The following CSMD2 variants were observed in gnomAD, a reference collection of about 807,000 sequenced individuals.
CSMD2 encodes CUB and Sushi multiple domains 2.
A neutral mutation model predicts 398.5 loss-of-function variants in CSMD2; 130 were observed. The ratio of observed to expected loss-of-function variants is 0.33; its 90% CI spans 0.28 to 0.38. CSMD2 has a LOEUF of 0.38. CSMD2 is among the 10% of genes least tolerant of loss of function. The pLI, the probability that CSMD2 is intolerant of heterozygous loss-of-function variation, is 1.00. For missense variants in CSMD2, 3,829 were observed against 4,764.9 expected (o/e 0.80, Z 5.78); for synonymous variants, 1,828 against 1,908.5 (o/e 0.96, Z 1.10).
At chr1:33,556,073 A>G (rs1279946908) in intron 55 of CSMD2, among the ~76,000 whole-genome samples, 12 of 152,234 alleles carry the variant, frequency 7.9e-5, no homozygotes, top group Admixed American at 7.8e-4. Context: ...CAAGAGAACC[A>G]GAATTAGAAG....
At chr1:33,688,966 T>A (rs1169607023) in intron 25 of CSMD2, among the ~76,000 whole-genome samples, 14 of 152,010 alleles carry the variant, frequency 9.2e-5, no homozygotes. Flanking sequence ...CTAACTTTGC[T>A]GCTGGTTATT....
chr1:33,614,458 G>GGTCT, intron 40 of CSMD2, 46 bp downstream of exon 40: 1 of 1,127,604 alleles, frequency 8.9e-7, no homozygotes. Context: ...TAAGCTCAAG[G>GGTCT]GTCTGGGCTT....
chr1:33,762,399 A>T (rs1649937120), intron 13 of CSMD2, among the ~76,000 whole-genome samples: 1 of 152,220 alleles, frequency 6.6e-6, no homozygotes, highest in South Asian at 2.1e-4. Flanking sequence ...TGAAAGCTGA[A>T]ATGAGAATGA....
At chr1:33,903,669 T>G (rs997203772) in intron 5 of CSMD2, among the ~76,000 whole-genome samples, 1 of 152,094 alleles carries the variant, frequency 6.6e-6, no homozygotes, top group African/African-American at 2.4e-5. Context: ...ACGGTTCTGC[T>G]GGCAATGGCA....
chr1:33,666,371 T>C (rs1644316795), intron 25 of CSMD2, among the ~76,000 whole-genome samples: 1 of 152,224 alleles, frequency 6.6e-6, no homozygotes, highest in African/African-American at 2.4e-5. Context: ...TAACTTAGTT[T>C]ATGTACTTTG....
chr1:33,739,211 C>G lies in CSMD2; in HGVS notation c.2297G>C (p.Gly766Ala). 6.2e-7 allele frequency: 1 copy of G among 1,614,190 alleles called. No individual in the cohort carries two copies. Among genetic ancestry groups the G allele is most frequent in the East Asian group, 2.2e-5 (1 of 44,878 alleles). Residue 766 changes from glycine (G) to alanine (A), a missense_variant, in exon 15 of 71, where the codon GGC becomes GCC. Physicochemically the swap from Gly to Ala is moderately conservative, Grantham distance 60 (BLOSUM62 0). This residue lies in a region of CSMD2 where 2,001 missense variants were observed against 2,567.1 expected (regional missense o/e 0.78). Transcript: ENST00000373381. ...LCDEGFLGTQ[G>A]SETITCVLKE... Reference sequence around the variant, plus strand: ...CAGGACGCAGGTGATGGTCTCTGAGCCCTGAGTCCCAAGGAAGCCTTCATC... The same window carrying G: ...CAGGACGCAGGTGATGGTCTCTGAGGCCTGAGTCCCAAGGAAGCCTTCATC...
chr1:33,871,571 T>C (rs759453794), intron 5 of CSMD2, among the ~76,000 whole-genome samples: 13 of 152,148 alleles, frequency 8.5e-5, no homozygotes, highest in Non-Finnish European at 1.5e-4. Context: ...GTGAGGACTG[T>C]CTGCAGAGAG....
intron 5 of CSMD2, chr1:33,875,352 AG>A (rs1479130609): frequency 6.6e-6 from 1 of 152,230 alleles, no homozygotes; most frequent in East Asian, 1.9e-4. Flanking sequence ...CCAAAGAGGA[AG>A]GGTATTTCTT....
chr1:33,698,874 A>G lies in CSMD2; in HGVS notation c.3804T>C (p.His1268=). Residue 1268 remains histidine (H), a synonymous_variant, in exon 24 of 71, where the codon CAT becomes CAC. Transcript: ENST00000373381. ...TGAAGGACACGGAGCTCCCTGCAAA[A>G]TGACCTTCATCATGAACCTTGTAGC... ...KFGYKVHDEG[H]FAGSSVSFSC... is the part of the protein sequence containing the mutation. The G allele has an allele frequency of 6.2e-7, 1 of 1,614,192 alleles. No individual in the cohort carries two copies. The highest frequency in any genetic ancestry group is 1.1e-5 in the South Asian group (1 of 91,078).
chr1:34,113,736 C>T lies in CSMD2; in HGVS notation c.188-24543G>A, dbSNP rs1353994570. On this transcript the variant is annotated intron_variant, in intron 1 of 70. Coordinates refer to ENST00000373381, the MANE Select transcript of CSMD2 (RefSeq NM_001281956.2). ...CAGTCCAAAAAAGCCTTTATGAGAA[C>T]TCTAGAAACCAGTTAAGAAGTTACA... 1.3e-5 allele frequency among the ~76,000 whole-genome samples: 2 copies of T among 152,156 alleles called. 1 individual carries two copies. The highest frequency in any genetic ancestry group is 3.9e-4 in the East Asian group (2 of 5,178).
intron 25 of CSMD2, among the ~76,000 whole-genome samples, chr1:33,677,216 C>T (rs963348795): frequency 2.6e-5 from 4 of 152,260 alleles, no homozygotes; most frequent in South Asian, 4.1e-4. Context: ...ACTCATCTGA[C>T]AAAGGGCTAA....
In CSMD2 at chr1:33,571,597, T is replaced by G; in HGVS notation, c.7892A>C (p.Gln2631Pro). 6.4e-7 allele frequency: 1 copy of G among 1,572,686 alleles called. No individual in the cohort carries two copies. Among genetic ancestry groups the G allele is most frequent in the South Asian group, 1.2e-5 (1 of 84,150 alleles). The change falls in exon 51 of 71, where the codon CAA becomes CCA. Residue 2631 changes from glutamine (Q) to proline (P), a missense_variant. By Grantham distance (76) the Gln-to-Pro change is moderately conservative. Around this residue, in one of 5 missense-constraint regions of CSMD2, gnomAD observed 723 missense variants for 758.6 expected, o/e 0.95. Coordinates refer to ENST00000373381, the MANE Select transcript of CSMD2 (RefSeq NM_001281956.2). ...ATTGGCCTGACAGCGGATGACCCTT[T>G]GGCCAGTATAGTAGTAGCCAGGGTC... ...ICDPGYYYTG[Q>P]RVIRCQANGK...
At chr1:33,617,878 T>C (rs1557629941) in intron 37 of CSMD2, among the ~76,000 whole-genome samples, 2 of 152,180 alleles carry the variant, frequency 1.3e-5, no homozygotes, top group Non-Finnish European at 2.9e-5. Flanking sequence ...CTGGCTGTCC[T>C]GTCCACTCAC....
Position 33,738,960 on chromosome 1 carries a change from C to T in CSMD2, c.2368+180G>A, listed in dbSNP as rs74400565. Among the ~76,000 whole-genome samples the T allele has an allele frequency of 1.2e-3, 180 of 151,884 alleles. 2 individuals carry two copies. In the East Asian group the frequency reaches 0.024, roughly 21 times the overall value. ...TCTCTGGTTATAATTTAAATTCCTA[C>T]GCACAGTGGCCTTATGAAGCCCCTG... On this transcript the variant is annotated intron_variant, in intron 15 of 70. Coordinates refer to ENST00000373381, the MANE Select transcript of CSMD2 (RefSeq NM_001281956.2).
At chr1:33,982,878 A>C (rs1646221509) in intron 3 of CSMD2, among the ~76,000 whole-genome samples, 1 of 152,320 alleles carries the variant, frequency 6.6e-6, no homozygotes, top group East Asian at 1.9e-4. Flanking sequence ...AGACATTTGG[A>C]CCAGACCCTA....
chr1:33,593,108 CAT>C (rs1016533744), intron 44 of CSMD2, among the ~76,000 whole-genome samples: 2 of 152,180 alleles, frequency 1.3e-5, no homozygotes, highest in East Asian at 1.9e-4. Flanking sequence ...ATATATACCA[CAT>C]GTGTGGAATG....
In CSMD2 at chr1:33,865,080, G is replaced by A. The variant is rs184721269; in HGVS notation, c.921-18084C>T. Among the ~76,000 whole-genome samples, 7 of 151,280 alleles carry A rather than the reference G, an allele frequency of 4.6e-5. No homozygotes were observed. The East Asian group carries it at 7.8e-4, about 17-fold the overall frequency. ...GGCCACTGGGTGGGAGCCTCCAGGT[G>A]TAAAGTAGCAGCAGTCATGGAGGTA... On this transcript the variant is annotated intron_variant, in intron 5 of 70. Transcript: ENST00000373381.
At chr1:34,093,446 G>A (rs377518821) in intron 1 of CSMD2, among the ~76,000 whole-genome samples, 3 of 152,124 alleles carry the variant, frequency 2.0e-5, no homozygotes, top group African/African-American at 4.8e-5. Flanking sequence ...GGCTTCAGAC[G>A]ATCAAATTAC....
At chr1:33,627,156 G>A (rs1302139911) in intron 32 of CSMD2, among the ~76,000 whole-genome samples, 1 of 152,204 alleles carries the variant, frequency 6.6e-6, no homozygotes, top group Non-Finnish European at 1.5e-5. Flanking sequence ...CAAAGAAAGT[G>A]CTATCAATAG....
Sources: gnomAD v4.1 joint callset for allele counts (sites outside exome capture counted in the v4.1 genomes callset) on GRCh38, gnomAD v4.1.1 for gene constraint, gnomAD v4.1.1 regional missense constraint, MANE v1.5 for transcripts, NCBI Gene and HGNC (gene_info 2026-07-23, HGNC 2026-07-21) for gene names.